The following JAK2 variants were observed in gnomAD, a reference collection of about 807,000 sequenced individuals.
JAK2 encodes the protein tyrosine-protein kinase JAK2.
In JAK2, 86 loss-of-function variants were observed where a neutral mutation model predicts 139.3. The ratio of observed to expected loss-of-function variants is 0.62; its 90% CI spans 0.52 to 0.74. JAK2 has a LOEUF of 0.74. JAK2 is among the 30% of genes least tolerant of loss of function. The probability of loss-of-function intolerance (pLI) is 0.00; values close to 1 mark genes in which losing one functional copy is unlikely to be tolerated. For synonymous variants in JAK2, 490 were observed against 437.7 expected (o/e 1.12, Z -1.49); for missense variants, 1,421 against 1,360.3 (o/e 1.04, Z -0.70).
intron 12 of JAK2, among the ~76,000 whole-genome samples, chr9:5,070,919 G>T (rs1209761597): frequency 6.6e-6 from 1 of 152,144 alleles, no homozygotes; most frequent in Non-Finnish European, 1.5e-5. Context: ...TTAAAAGTGA[G>T]ACTATCCCTG....
At position 5,097,289 on chromosome 9, in the gene JAK2, T is replaced by C. The variant is rs1157428353; in HGVS notation, c.3059+6378T>C. On this transcript the variant is annotated intron_variant, in intron 22 of 24. Coordinates refer to ENST00000381652, the MANE Select transcript of JAK2 (RefSeq NM_004972.4). ...CCGCTGGCATTACCACAATATTAAC[T>C]GACCGTAACCTCAACACTACTTTTT... 10 of 152,198 alleles carry C rather than the reference T, an allele frequency of 6.6e-5. No individual in the cohort carries two copies. The South Asian group carries it at 8.3e-4, about 13-fold the overall frequency. 9.4% of individuals were successfully genotyped at this position (152,198 alleles called of 1,614,324 possible). A position where few individuals can be genotyped will look rare whatever the true frequency, so the allele number is the denominator to read the frequency against.
At chr9:5,068,053 G>A (rs1412022535) in intron 10 of JAK2, among the ~76,000 whole-genome samples, 4 of 151,872 alleles carry the variant, frequency 2.6e-5, no homozygotes, top group African/African-American at 9.7e-5. Flanking sequence ...CCAGCTACTC[G>A]GGAGGCTGAG....
intron 22 of JAK2, among the ~76,000 whole-genome samples, chr9:5,113,191 C>CTT (rs531374595): frequency 2.8e-4 from 16 of 57,156 alleles, no homozygotes; most frequent in Admixed American, 7.2e-4. Context: ...CTGGCAGGAG[C>CTT]TTTTTTTTTT....
chr9:5,020,711 A>C (rs545196139), intron 2 of JAK2, among the ~76,000 whole-genome samples: 20 of 152,298 alleles, frequency 1.3e-4, no homozygotes, highest in African/African-American at 4.6e-4. Flanking sequence ...CTCAGGGCAC[A>C]TACCAATATA....
chr9:5,109,871 A>G (rs2130790273), intron 22 of JAK2: 1 of 152,000 alleles, frequency 6.6e-6, no homozygotes, highest in African/African-American at 2.4e-5. Context: ...CCACCAACAA[A>G]CTCTTTCAAC....
At chr9:5,050,993 T>G (rs952523281) in intron 6 of JAK2, among the ~76,000 whole-genome samples, 162 bp downstream of exon 6, 1 of 152,204 alleles carries the variant, frequency 6.6e-6, no homozygotes, top group African/African-American at 2.4e-5. Flanking sequence ...TTTTGGATAT[T>G]TCCAGATTTT....
chr9:5,087,513 C>T (rs374394847), intron 19 of JAK2, among the ~76,000 whole-genome samples: 1 of 151,492 alleles, frequency 6.6e-6, no homozygotes, highest in African/African-American at 2.4e-5. Context: ...TATCTCAAAC[C>T]CTTCTGGTTT....
At chr9:5,039,469 A>G (rs997033259) in intron 4 of JAK2, among the ~76,000 whole-genome samples, 26 of 152,286 alleles carry the variant, frequency 1.7e-4, no homozygotes, top group African/African-American at 5.3e-4. Context: ...GCCTTTGTAT[A>G]TCAGGAACAT....
chr9:5,083,159 C>T (rs555591612), intron 19 of JAK2, among the ~76,000 whole-genome samples: 96 of 152,260 alleles, frequency 6.3e-4, no homozygotes, highest in Non-Finnish European at 1.2e-3. Flanking sequence ...GAAAGGAATA[C>T]ATAAGCTTTT....
chr9:5,120,436 C>T (rs1373112787), intron 22 of JAK2, among the ~76,000 whole-genome samples: 1 of 152,164 alleles, frequency 6.6e-6, no homozygotes, highest in Non-Finnish European at 1.5e-5. Flanking sequence ...TTTTTAAAAA[C>T]TCAATTTCAT....
rs372254348 is a variant in JAK2 at position 5,080,268 on chromosome 9, T to C, written c.2171T>C (p.Ile724Thr). ...ERIPWVPPEC[I>T]ENPKNLNLAT... is the part of the protein sequence containing the mutation. ...ATACCATGGGTACCACCTGAATGCA[T>C]TGAAAATCCTAAAAATTTAAATTTG... Residue 724 changes from isoleucine to threonine, a missense_variant, in exon 17 of 25, where the codon ATT becomes ACT. By Grantham distance (89) the Ile-to-Thr change is moderately conservative. Transcript: ENST00000381652. 109 of 1,613,676 alleles carry C rather than the reference T, an allele frequency of 6.8e-5. 1 individual carries two copies. Among genetic ancestry groups the C allele is most frequent in the East Asian group, 5.4e-4 (24 of 44,856 alleles).
At chr9:5,004,528 G>C (rs184637178) in intron 2 of JAK2, among the ~76,000 whole-genome samples, 1 of 151,932 alleles carries the variant, frequency 6.6e-6, no homozygotes, top group African/African-American at 2.4e-5. Flanking sequence ...TTCTTTATCA[G>C]TTCATCTGTT....
intron 22 of JAK2, among the ~76,000 whole-genome samples, chr9:5,104,327 A>G (rs1258015508): frequency 6.6e-6 from 1 of 152,216 alleles, no homozygotes; most frequent in African/African-American, 2.4e-5. Flanking sequence ...AAATGGATAA[A>G]TTCCTGGACA....
chr9:4,990,703 A>C (rs150300128), intron 2 of JAK2, among the ~76,000 whole-genome samples: 1 of 152,282 alleles, frequency 6.6e-6, no homozygotes, highest in African/African-American at 2.4e-5. Flanking sequence ...ATCAGATCCA[A>C]AAAAAGGTCT....
chr9:5,053,663 T>C (rs1459034005), intron 6 of JAK2, among the ~76,000 whole-genome samples: 1 of 152,028 alleles, frequency 6.6e-6, no homozygotes, highest in Non-Finnish European at 1.5e-5. Context: ...AATGGCTATG[T>C]ACATGCTTTC....
intron 8 of JAK2, among the ~76,000 whole-genome samples, chr9:5,058,444 G>T (rs1817924138): frequency 6.6e-6 from 1 of 152,088 alleles, no homozygotes; most frequent in African/African-American, 2.4e-5. Context: ...ACTATCATGA[G>T]AACAGCATGG....
chr9:5,021,877 C>T lies in JAK2; in HGVS notation c.-25-86C>T, dbSNP rs976915461. On this transcript the variant is annotated intron_variant, in intron 2 of 24. Coordinates refer to ENST00000381652, the MANE Select transcript of JAK2 (RefSeq NM_004972.4). Reference sequence around the variant, plus strand: ...CCAACTTCTGGGCTCAAGCTATCTGCCCGCCTCGGCCCCGCAAAGTGCTAG... The same window carrying T: ...CCAACTTCTGGGCTCAAGCTATCTGTCCGCCTCGGCCCCGCAAAGTGCTAG... The T allele has an allele frequency of 2.0e-4, 137 of 697,312 alleles. No homozygotes were observed. The Middle Eastern group carries it at 2.0e-3, about 10-fold the overall frequency. The allele number at this position is 697,312 out of a possible 1,614,324, so 43.2% of individuals were successfully genotyped here.
intron 4 of JAK2, among the ~76,000 whole-genome samples, chr9:5,039,652 A>T (rs1576271): frequency 6.6e-6 from 1 of 151,940 alleles, no homozygotes; most frequent in African/African-American, 2.4e-5. Flanking sequence ...GCAGAATAGA[A>T]GATCAATATA....
chr9:5,110,912 G>C (rs1041949401), intron 22 of JAK2: 2 of 563,034 alleles, frequency 3.6e-6, no homozygotes, highest in Admixed American at 2.2e-5. Flanking sequence ...GGCCCCAAGA[G>C]AATGAACCAG....
Sources: allele counts gnomAD v4.1 joint callset (sites outside exome capture counted in the v4.1 genomes callset), GRCh38; gene constraint gnomAD v4.1.1; transcripts MANE v1.5; gene names NCBI Gene and HGNC (gene_info 2026-07-23, HGNC 2026-07-21).